C1QTNF7: variants seen among roughly 807,000 people sequenced by gnomAD.
C1QTNF7 encodes the protein C1q and TNF related 7.
Under a neutral mutation model 19.6 loss-of-function variants are expected in C1QTNF7, and 15 were observed. The observed-to-expected ratio is 0.76, with a 90% confidence interval of 0.51 to 1.18. C1QTNF7 has a LOEUF of 1.18. C1QTNF7 is among the 50% of genes most tolerant of loss of function. C1QTNF7 has a pLI of 0.00. For missense variants in C1QTNF7, 324 were observed against 359.7 expected (o/e 0.90, Z 0.80); for synonymous variants, 142 against 137.5 (o/e 1.03, Z -0.23).
At chr4:15,408,811 G>A (rs921833463) in intron 1 of C1QTNF7, among the ~76,000 whole-genome samples, 8 of 152,032 alleles carry the variant, frequency 5.3e-5, no homozygotes, top group Admixed American at 3.3e-4. Context: ...CCTGTGTTAC[G>A]GACTCCCTGT....
rs775865680 is a variant in C1QTNF7 at position 15,435,819 on chromosome 4, GA to G, written c.77del (p.Glu26GlyfsTer56). ...GQPRGNQLKG[E>X]NYSPRYICSI... ...ACCCCGGGGTAATCAGTTGAAAGGA[GA>G]GAACTACTCCCCCAGGTATATCTGC... On this transcript the variant is annotated frameshift_variant, in exon 2 of 3. Transcript: ENST00000444304. LOFTEE classifies it high-confidence loss of function. The G allele has an allele frequency of 1.6e-5, 26 of 1,613,998 alleles. No homozygotes were observed. The highest frequency in any genetic ancestry group is 1.9e-5 in the Non-Finnish European group (23 of 1,180,038).
At chr4:15,430,311 G>C (rs949734814) in intron 1 of C1QTNF7, among the ~76,000 whole-genome samples, 2 of 152,188 alleles carry the variant, frequency 1.3e-5, no homozygotes, top group South Asian at 2.1e-4. Context: ...CAGGTTGGGC[G>C]TGGCAGCTCA....
At chr4:15,370,260 G>A (rs1717672861) in intron 1 of C1QTNF7, among the ~76,000 whole-genome samples, 1 of 152,040 alleles carries the variant, frequency 6.6e-6, no homozygotes. Context: ...GCGAAAAAAA[G>A]CATTCTGTTT....
chr4:15,421,914 G>C (rs1003138320), intron 1 of C1QTNF7, among the ~76,000 whole-genome samples: 4 of 152,196 alleles, frequency 2.6e-5, no homozygotes, highest in African/African-American at 9.7e-5. Flanking sequence ...ATTATGTTAA[G>C]TGAAAGAACA....
Position 15,351,129 on chromosome 4 carries a change from G to C in C1QTNF7, c.13+10922G>C, listed in dbSNP as rs185895507. On this transcript the variant is annotated intron_variant, in intron 1 of 2. Transcript: ENST00000295297. ...ATAATATAGTGCTCTAAAAATCATA[G>C]CTAATGTTAAAATTGCTGTTTCTTT... Among the ~76,000 whole-genome samples, 88 of 152,288 alleles carry C rather than the reference G, an allele frequency of 5.8e-4. No homozygotes were observed. In the East Asian group the frequency reaches 0.016, roughly 28 times the overall value.
chr4:15,422,989 G>A (rs1711852107), intron 1 of C1QTNF7, among the ~76,000 whole-genome samples: 1 of 152,076 alleles, frequency 6.6e-6, no homozygotes, highest in South Asian at 2.1e-4. Context: ...ATTATGATCT[G>A]GGATAATGCT....
At chr4:15,419,600 G>T (rs1190060817) in intron 1 of C1QTNF7, among the ~76,000 whole-genome samples, 1 of 152,114 alleles carries the variant, frequency 6.6e-6, no homozygotes. Flanking sequence ...CTGAGAAATA[G>T]AACTAAATAA....
intron 1 of C1QTNF7, among the ~76,000 whole-genome samples, chr4:15,409,708 A>T (rs1427946455): frequency 3.3e-5 from 5 of 152,128 alleles, no homozygotes; most frequent in Non-Finnish European, 7.4e-5. Context: ...CAGGGTCTGA[A>T]CGTGCTCTGC....
chr4:15,364,546 C>T (rs947207816), intron 1 of C1QTNF7, among the ~76,000 whole-genome samples: 2 of 152,168 alleles, frequency 1.3e-5, no homozygotes, highest in East Asian at 3.8e-4. Context: ...ATGCCAAAAA[C>T]ATTTGCCATA....
intron 1 of C1QTNF7, among the ~76,000 whole-genome samples, chr4:15,367,268 A>ATT (rs1717560370): frequency 1.3e-5 from 2 of 152,158 alleles, no homozygotes; most frequent in Admixed American, 6.5e-5. Context: ...AGTGATATGA[A>ATT]TTTTCTTGCC....
upstream of C1QTNF7, among the ~76,000 whole-genome samples, chr4:15,427,127 G>A (rs569289245): frequency 7.9e-5 from 12 of 152,230 alleles, no homozygotes; most frequent in South Asian, 1.9e-3. Context: ...TGGTCAGAAC[G>A]GGGAGCCCAG....
At chr4:15,364,789 G>A (rs1717453272) in intron 1 of C1QTNF7, among the ~76,000 whole-genome samples, 1 of 152,238 alleles carries the variant, frequency 6.6e-6, no homozygotes, top group South Asian at 2.1e-4. Flanking sequence ...CAAGCACATG[G>A]GATGATCATG....
At chr4:15,427,948 C>T (rs565939095), upstream of C1QTNF7, 129 of 881,320 alleles carry the variant, frequency 1.5e-4, no homozygotes, top group Middle Eastern at 1.2e-3. Context: ...TGGGACTAAA[C>T]GAGAAAATTA....
intron 1 of C1QTNF7, among the ~76,000 whole-genome samples, chr4:15,383,668 G>C (rs1460791503): frequency 6.6e-6 from 1 of 152,196 alleles, no homozygotes; most frequent in Admixed American, 6.5e-5. Flanking sequence ...TTCAGAAATA[G>C]TCATTCCCAC....
intron 1 of C1QTNF7, among the ~76,000 whole-genome samples, chr4:15,387,950 G>T (rs1490717507): frequency 1.3e-5 from 2 of 152,180 alleles, no homozygotes; most frequent in Non-Finnish European, 2.9e-5. Context: ...TGAAGTAAGG[G>T]AGAAGAGGAG....
intron 1 of C1QTNF7, among the ~76,000 whole-genome samples, chr4:15,345,572 C>A (rs1275826528): frequency 6.6e-6 from 1 of 152,138 alleles, no homozygotes; most frequent in Non-Finnish European, 1.5e-5. Flanking sequence ...TCCTGTTCTG[C>A]AAAATCCTTG....
chr4:15,403,367 T>G (rs988090249), intron 1 of C1QTNF7, among the ~76,000 whole-genome samples: 1 of 152,174 alleles, frequency 6.6e-6, no homozygotes, highest in Non-Finnish European at 1.5e-5. Flanking sequence ...CATCAGAAAT[T>G]TATTCTCTTG....
rs1302164956 is a variant in C1QTNF7, at chr4:15,442,929, T to C, written c.*130T>C. ...GCATTTAAAGACAATTCTAGCAGAATTTATCAAAACAAGATGAAACACAGA... is the reference window on the plus strand; with the variant it reads ...GCATTTAAAGACAATTCTAGCAGAACTTATCAAAACAAGATGAAACACAGA... On this transcript the variant is annotated 3_prime_UTR_variant, in exon 3 of 3. Transcript: ENST00000444304. 2.0e-6 allele frequency: 2 copies of C among 978,832 alleles called. No homozygotes were observed. Among genetic ancestry groups the C allele is most frequent in the African/African-American group, 3.3e-5 (2 of 61,312 alleles). The allele number at this position is 978,832 out of a possible 1,614,324, so 60.6% of individuals were successfully genotyped here. A position where few individuals can be genotyped will look rare whatever the true frequency, so the allele number is the denominator to read the frequency against.
At chr4:15,402,648 T>C (rs1413663077) in intron 1 of C1QTNF7, among the ~76,000 whole-genome samples, 1 of 152,162 alleles carries the variant, frequency 6.6e-6, no homozygotes, top group African/African-American at 2.4e-5. Flanking sequence ...TAAATAAATA[T>C]TGTATAAAGT....
Sources: gnomAD v4.1 joint callset for allele counts (sites outside exome capture counted in the v4.1 genomes callset) on GRCh38, gnomAD v4.1.1 for gene constraint, MANE v1.5 for transcripts, NCBI Gene and HGNC (gene_info 2026-07-23, HGNC 2026-07-21) for gene names.